The following PCBP4 variants were observed in gnomAD, a reference collection of about 807,000 sequenced individuals.
PCBP4 encodes the protein poly(rC) binding protein 4, also known as poly(rC)-binding protein 4.
Under a neutral mutation model 46.2 loss-of-function variants are expected in PCBP4, and 24 were observed. The observed-to-expected ratio is 0.52, with a 90% CI of 0.38 to 0.73. PCBP4 has a LOEUF of 0.73. Among genes scored for constraint, PCBP4 ranks in the 30% least tolerant of loss-of-function variants. The pLI is 0.00. For missense variants in PCBP4, 407 were observed against 537.0 expected (o/e 0.76, Z 2.39); for synonymous variants, 203 against 224.4 (o/e 0.90, Z 0.85).
rs914778500 is a variant in PCBP4 at position 51,957,689 on chromosome 3, C to T, written c.*372G>A. The stretch of plus-strand genomic sequence containing the variant: ...GAGAAGCCTGGCCCCAGCTACCCAA[C>T]GGGCCCTCCTCCCTGACTCCCACAA... On this transcript the variant is annotated 3_prime_UTR_variant, in exon 14 of 14. Coordinates refer to ENST00000461554, the MANE Select transcript of PCBP4 (RefSeq NM_001174100.2). The T allele has an allele frequency of 3.0e-5, 5 of 165,930 alleles. No homozygotes were observed. Among genetic ancestry groups the T allele is most frequent in the Non-Finnish European group, 5.2e-5 (4 of 77,418 alleles). 10.3% of individuals were successfully genotyped at this position (165,930 alleles called of 1,614,324 possible). A position where few individuals can be genotyped will look rare whatever the true frequency, so the allele number is the denominator to read the frequency against.
chr3:51,958,420 T>A lies in PCBP4; in HGVS notation c.924-71A>T. On this transcript the variant is annotated intron_variant, in intron 13 of 13. Coordinates refer to ENST00000461554, the MANE Select transcript of PCBP4 (RefSeq NM_001174100.2). This position sits in a 1 kb window ranked among gnomAD's most constrained non-coding sequence, Gnocchi z 5.4. The stretch of plus-strand genomic sequence containing the variant: ...GAGAGAGGGGCAATGAGGGCAGAGA[T>A]GGGCATGAGATTAGATGAAAGGCAA... 1 of 1,056,782 alleles carries A rather than the reference T, an allele frequency of 9.5e-7. No homozygotes were observed. Among genetic ancestry groups the A allele is most frequent in the South Asian group, 1.8e-5 (1 of 54,186 alleles). The allele number at this position is 1,056,782 out of a possible 1,614,324, so 65.5% of individuals were successfully genotyped here.
chr3:51,964,735 C>T (rs1270788116), intron 1 of PCBP4, among the ~76,000 whole-genome samples: 3 of 152,242 alleles, frequency 2.0e-5, no homozygotes, highest in Middle Eastern at 3.2e-3. Flanking sequence ...TGCTCACTCT[C>T]CTAACTAGCC....
chr3:51,964,482 A>G (rs1700322358), intron 1 of PCBP4, among the ~76,000 whole-genome samples: 1 of 151,986 alleles, frequency 6.6e-6, no homozygotes, highest in African/African-American at 2.4e-5. Context: ...GGGCCTGTGG[A>G]CCCACCTGGG....
intron 1 of PCBP4, among the ~76,000 whole-genome samples, chr3:51,963,882 C>G (rs746982759): frequency 6.6e-6 from 1 of 152,212 alleles, no homozygotes; most frequent in East Asian, 1.9e-4. Context: ...GCCCAAGGAA[C>G]GAGCAGCCCC....
Position 51,964,797 on chromosome 3 carries a change from T to TGGCCTCCCAGCCTCCC in PCBP4, c.-213+2513_-213+2528dup, listed in dbSNP as rs1157832802. ...TCTTGGACACATGTGCCCAGCCTCT[T>TGGCCTCCCAGCCTCCC]GGCCTCCCAGCCTCCCGGGATAGCC... is the stretch of plus-strand genomic sequence containing the variant. On this transcript the variant is annotated intron_variant, in intron 1 of 13. Coordinates refer to ENST00000461554, the MANE Select transcript of PCBP4 (RefSeq NM_001174100.2). Among the ~76,000 whole-genome samples, 28 of 152,338 alleles carry TGGCCTCCCAGCCTCCC rather than the reference T, an allele frequency of 1.8e-4. No individual in the cohort carries two copies. The South Asian group carries it at 5.6e-3, about 30-fold the overall frequency.
intron 2 of PCBP4, 150 bp from the exon 3 acceptor site, chr3:51,961,454 G>T: frequency 1.1e-6 from 1 of 926,504 alleles, no homozygotes; most frequent in Non-Finnish European, 1.6e-6. Context: ...TGACCAGGGT[G>T]CTTATGTGTG....
rs371290740 is a variant in PCBP4, at chr3:51,961,054, G to A, written c.82-21C>T. On this transcript the variant is annotated intron_variant, in intron 3 of 13. Transcript: ENST00000461554. ...ACTTCCTGCGGACAAGACAAGAGCC[G>A]TCAGATGGGTGCCAGTGCCCAGGCC... 163 of 1,614,170 alleles carry A rather than the reference G, an allele frequency of 1.0e-4. No homozygotes were observed. In the African/African-American group the frequency reaches 1.8e-3, roughly 18 times the overall value.
At position 51,958,890 on chromosome 3, in the gene PCBP4, T is replaced by G; in HGVS notation, c.823A>C (p.Ile275Leu). 6.2e-7 allele frequency: 1 copy of G among 1,613,928 alleles called. No homozygotes were observed. Among genetic ancestry groups the G allele is most frequent in the Non-Finnish European group, 8.5e-7 (1 of 1,179,948 alleles). ...SEIRQMSGAH[I>L]KIGNQAEGAG... ...CCCTCTGCTTGGTTCCCGATCTTGA[T>G]ATGTGCCCCTGACATCTGCCGGATC... The change falls in exon 13 of 14, where the codon ATC becomes CTC. Residue 275 changes from isoleucine to leucine, a missense_variant. Coordinates refer to ENST00000461554, the MANE Select transcript of PCBP4 (RefSeq NM_001174100.2). This position sits in a 1 kb window ranked among gnomAD's most constrained non-coding sequence, Gnocchi z 5.4.
Position 51,961,163 on chromosome 3 carries a change from CCCGTGCATCAGCAT to C in PCBP4, c.64_77del (p.Met22GlufsTer34). The C allele has an allele frequency of 6.2e-7, 1 of 1,613,838 alleles. No individual in the cohort carries two copies. Among genetic ancestry groups the C allele is most frequent in the Non-Finnish European group, 8.5e-7 (1 of 1,180,014 alleles). ...TGGCCCTCCACCTCCCGCTCACCTT[CCCGTGCATCAGCAT>C]CCGCAGCGTGAGGGTGATGCTGAGC... On this transcript the variant is annotated frameshift_variant, in exon 3 of 14. Transcript: ENST00000461554. LOFTEE classifies it high-confidence loss of function.
At position 51,965,084 on chromosome 3, in the gene PCBP4, G is replaced by T. The variant is rs1297957601; in HGVS notation, c.-213+2242C>A. On this transcript the variant is annotated intron_variant, in intron 1 of 13. Transcript: ENST00000461554. ...GCCCAGGCTGGGCTCCAGGAGAAAG[G>T]CCACAGCCTCATGGTACCCATCCCC... 2.6e-5 allele frequency among the ~76,000 whole-genome samples: 4 copies of T among 152,220 alleles called. No individual in the cohort carries two copies. The East Asian group carries it at 5.8e-4, about 22-fold the overall frequency.
chr3:51,961,352 T>C, intron 2 of PCBP4, 48 bp from the exon 3 acceptor site: 1 of 1,482,052 alleles, frequency 6.7e-7, no homozygotes, highest in Admixed American at 2.2e-5. Context: ...CAGTCCACCC[T>C]GCCCCTGCCC....
In PCBP4 at chr3:51,958,448, G is replaced by T. The variant is rs1699938477; in HGVS notation, c.924-99C>A. On this transcript the variant is annotated intron_variant, in intron 13 of 13. Coordinates refer to ENST00000461554, the MANE Select transcript of PCBP4 (RefSeq NM_001174100.2). The surrounding 1 kb of genome is among the most constrained non-coding windows in gnomAD (Gnocchi z 5.4). ...GCATGAGATTAGATGAAAGGCAAGA[G>T]AGAGGTAGTGAACAGAGAACAATAA... is the stretch of plus-strand genomic sequence containing the variant. The T allele has an allele frequency of 1.2e-6, 1 of 815,994 alleles. No individual in the cohort carries two copies. Among genetic ancestry groups the T allele is most frequent in the Non-Finnish European group, 1.8e-6 (1 of 544,010 alleles). 50.5% of individuals were successfully genotyped at this position (815,994 alleles called of 1,614,324 possible).
intron 1 of PCBP4, among the ~76,000 whole-genome samples, chr3:51,966,128 G>A (rs544708995): frequency 6.6e-5 from 10 of 152,370 alleles, no homozygotes; most frequent in Non-Finnish European, 1.2e-4. Flanking sequence ...GCGCCACTGG[G>A]CAATGGTGAT....
At position 51,960,619 on chromosome 3, in the gene PCBP4, G is replaced by A. The variant is rs147391813; in HGVS notation, c.162C>T (p.Ser54=). 24 of 1,613,860 alleles carry A rather than the reference G, an allele frequency of 1.5e-5. No individual in the cohort carries two copies. Among genetic ancestry groups the A allele is most frequent in the Admixed American group, 8.3e-5 (5 of 60,014 alleles). Residue 54 remains serine (S), a synonymous_variant, in exon 6 of 14, where the codon TCC becomes TCT. Transcript: ENST00000461554. The surrounding 1 kb of genome is among the most constrained non-coding windows in gnomAD (Gnocchi z 5.0). ...REQSSARITI[S]EGSCPERITT... ...TGATGCGTTCAGGGCAGGAGCCCTCGGAGATGGTGATCCGGGCACTGCTCT... is the reference window on the plus strand; with the variant it reads ...TGATGCGTTCAGGGCAGGAGCCCTCAGAGATGGTGATCCGGGCACTGCTCT...
Position 51,960,659 on chromosome 3 carries a change from A to G in PCBP4, c.139-17T>C. The G allele has an allele frequency of 6.3e-7, 1 of 1,589,566 alleles. No individual in the cohort carries two copies. Among genetic ancestry groups the G allele is most frequent in the Non-Finnish European group, 8.6e-7 (1 of 1,157,688 alleles). On this transcript the variant is annotated splice_polypyrimidine_tract_variant and intron_variant, in intron 5 of 13. Coordinates refer to ENST00000461554, the MANE Select transcript of PCBP4 (RefSeq NM_001174100.2). This position sits in a 1 kb window ranked among gnomAD's most constrained non-coding sequence, Gnocchi z 5.0. ...GGCACTGCTCTGCAGATATAGAATG[A>G]GCGCCGGGCAGCGGGGCATCTTCCC... is the stretch of plus-strand genomic sequence containing the variant.
At chr3:51,966,249 G>C (rs1374270214) in intron 1 of PCBP4, among the ~76,000 whole-genome samples, 1 of 152,156 alleles carries the variant, frequency 6.6e-6, no homozygotes, top group Non-Finnish European at 1.5e-5. Context: ...AGGGTGTGTG[G>C]GCTGCCTGCT....
chr3:51,962,134 G>T (rs1476738432), intron 1 of PCBP4, 46 bp from the exon 2 acceptor site: 2 of 152,156 alleles, frequency 1.3e-5, no homozygotes, highest in Admixed American at 6.5e-5. Flanking sequence ...CACATTCCCA[G>T]CCTGGAACAC....
In PCBP4 at chr3:51,957,960, G is replaced by A. The variant is rs781659631; in HGVS notation, c.*101C>T. ...TGCATCCATGCGTCTGGGCGTTAGC[G>A]GCGTTTGGGACCCCAGGGTGGAGTC... On this transcript the variant is annotated 3_prime_UTR_variant, in exon 14 of 14. Coordinates refer to ENST00000461554, the MANE Select transcript of PCBP4 (RefSeq NM_001174100.2). The A allele has an allele frequency of 1.2e-4, 134 of 1,112,712 alleles. No individual in the cohort carries two copies. Among genetic ancestry groups the A allele is most frequent in the Middle Eastern group, 3.2e-4 (1 of 3,168 alleles). 68.9% of individuals were successfully genotyped at this position (1,112,712 alleles called of 1,614,324 possible). A position where few individuals can be genotyped will look rare whatever the true frequency, so the allele number is the denominator to read the frequency against.
chr3:51,962,005 T>G lies in PCBP4; in HGVS notation c.-129A>C, dbSNP rs1196859520. The G allele has an allele frequency of 1.3e-5, 2 of 152,510 alleles. No homozygotes were observed. The highest frequency in any genetic ancestry group is 2.9e-5 in the Non-Finnish European group (2 of 68,218). 9.4% of individuals were successfully genotyped at this position (152,510 alleles called of 1,614,324 possible). A position where few individuals can be genotyped will look rare whatever the true frequency, so the allele number is the denominator to read the frequency against. On this transcript the variant is annotated 5_prime_UTR_variant, in exon 2 of 14. Transcript: ENST00000461554. ...GGGCAGGGTTCATTCAGCACTGGGC[T>G]GCAGTGGGTGGGGCACAGCGTGTCA...
Sources: gnomAD v4.1 joint callset for allele counts (sites outside exome capture counted in the v4.1 genomes callset) on GRCh38, gnomAD v4.1.1 for gene constraint, Gnocchi (gnomAD v3.1) non-coding constraint, MANE v1.5 for transcripts, NCBI Gene and HGNC (gene_info 2026-07-23, HGNC 2026-07-21) for gene names.